Variants in KLHL8 observed in about 807,000 individuals in gnomAD.
KLHL8 encodes the protein kelch-like protein 8.
In KLHL8, 38 loss-of-function variants were observed where a neutral mutation model predicts 63.5. The observed-to-expected ratio is 0.60, with a 90% CI of 0.46 to 0.78. The LOEUF (loss-of-function observed/expected upper bound fraction) is 0.78. Ranked by LOEUF, KLHL8 falls within the 30% of genes least tolerant of loss-of-function variation. The probability of loss-of-function intolerance (pLI) is 0.00; values close to 1 mark genes in which losing one functional copy is unlikely to be tolerated. For missense variants in KLHL8, 566 were observed against 752.4 expected (o/e 0.75, Z 2.90); for synonymous variants, 224 against 254.3 (o/e 0.88, Z 1.13).
intron 4 of KLHL8, among the ~76,000 whole-genome samples, chr4:87,182,411 TTTG>T (rs753192868): frequency 1.3e-5 from 2 of 152,022 alleles, no homozygotes; most frequent in African/African-American, 2.4e-5. Flanking sequence ...GGTATTGCCT[TTTG>T]TTGTTGTTTT....
At chr4:87,197,613 G>C (rs1337709470) in intron 1 of KLHL8, among the ~76,000 whole-genome samples, 1 of 152,144 alleles carries the variant, frequency 6.6e-6, no homozygotes, top group Non-Finnish European at 1.5e-5. Context: ...GATAATAAAT[G>C]CATGTTATTT....
At chr4:87,192,036 A>G (rs908172888) in intron 2 of KLHL8, among the ~76,000 whole-genome samples, 3 of 152,140 alleles carry the variant, frequency 2.0e-5, no homozygotes, top group African/African-American at 4.8e-5. Context: ...GGCTGATTCC[A>G]TATCTTTGCT....
At chr4:87,199,426 G>C (rs1731824323) in intron 1 of KLHL8, among the ~76,000 whole-genome samples, 1 of 152,010 alleles carries the variant, frequency 6.6e-6, no homozygotes, top group Admixed American at 6.6e-5. Flanking sequence ...GTGGGGAAAA[G>C]GATTCACAAC....
At chr4:87,210,196 T>C (rs1466562020) in intron 1 of KLHL8, among the ~76,000 whole-genome samples, 2 of 148,904 alleles carry the variant, frequency 1.3e-5, no homozygotes, top group Non-Finnish European at 3.0e-5. Context: ...AAGAACTCAA[T>C]GCCAGCTGGT....
intron 6 of KLHL8, among the ~76,000 whole-genome samples, chr4:87,175,674 T>G (rs539424135): frequency 6.6e-6 from 1 of 152,102 alleles, no homozygotes; most frequent in Non-Finnish European, 1.5e-5. Context: ...CAGGTTAGAG[T>G]ACTAAGTATG....
rs768815862 is a variant in KLHL8, at chr4:87,164,036, A to G, written c.1581T>C (p.Tyr527=). The G allele has an allele frequency of 6.2e-7, 1 of 1,613,234 alleles. No homozygotes were observed. The highest frequency in any genetic ancestry group is 8.5e-7 in the Non-Finnish European group (1 of 1,179,120). Residue 527 remains tyrosine, a synonymous_variant, in exon 9 of 10, where the codon TAT becomes TAC. Transcript: ENST00000273963. ...AATCCCACTTGTTGCTTCGGGGGTCATACCGCTCAACTGAACTCAGAGGAG... is the reference window on the plus strand; with the variant it reads ...AATCCCACTTGTTGCTTCGGGGGTCGTACCGCTCAACTGAACTCAGAGGAG... ...DNSPLSSVER[Y]DPRSNKWDYV... is the part of the protein sequence containing the mutation.
chr4:87,171,385 C>T (rs2149831233), intron 6 of KLHL8, among the ~76,000 whole-genome samples: 1 of 152,186 alleles, frequency 6.6e-6, no homozygotes, highest in South Asian at 2.1e-4. Flanking sequence ...GAAGTATTAG[C>T]TTTTATTATT....
At chr4:87,210,272 G>C (rs1248919737) in intron 1 of KLHL8, among the ~76,000 whole-genome samples, 1 of 152,154 alleles carries the variant, frequency 6.6e-6, no homozygotes, top group East Asian at 1.9e-4. Flanking sequence ...ACGAGGTCAG[G>C]AGATCGAGAC....
chr4:87,185,710 T>C lies in KLHL8; in HGVS notation c.306A>G (p.Glu102=), dbSNP rs1205776541. The change falls in exon 3 of 10, where the codon GAA becomes GAG. Residue 102 remains glutamate (E), a synonymous_variant. Transcript: ENST00000273963. ...TAATCTCAATCAGCGTTTGCTTGGC[T>C]TCAGCCATTTCAGAAAGAAACATGG... ...FRAMFLSEMA[E]AKQTLIEIRD... is the part of the protein sequence containing the mutation. 6.2e-7 allele frequency: 1 copy of C among 1,613,992 alleles called. No homozygotes were observed. The highest frequency in any genetic ancestry group is 8.5e-7 in the Non-Finnish European group (1 of 1,180,002).
chr4:87,168,762 G>A (rs1560690311), intron 8 of KLHL8, among the ~76,000 whole-genome samples: 6 of 141,462 alleles, frequency 4.2e-5, no homozygotes, highest in African/African-American at 1.6e-4. Context: ...ATATGTGTGT[G>A]TATATATATG....
intron 1 of KLHL8, among the ~76,000 whole-genome samples, chr4:87,199,663 AAC>A (rs1449784339): frequency 3.1e-5 from 2 of 65,278 alleles, no homozygotes; most frequent in African/African-American, 6.1e-5. Flanking sequence ...TTAAAAAAAA[AAC>A]AAAAAAAAAA....
chr4:87,163,166 G>A lies in KLHL8; in HGVS notation c.*353C>T, dbSNP rs1217661176. The A allele has an allele frequency of 5.7e-6, 1 of 175,262 alleles. No homozygotes were observed. The highest frequency in any genetic ancestry group is 2.4e-5 in the African/African-American group (1 of 41,702). 10.9% of individuals were successfully genotyped at this position (175,262 alleles called of 1,614,324 possible). A position where few individuals can be genotyped will look rare whatever the true frequency, so the allele number is the denominator to read the frequency against. On this transcript the variant is annotated 3_prime_UTR_variant, in exon 10 of 10. Coordinates refer to ENST00000273963, the MANE Select transcript of KLHL8 (RefSeq NM_020803.5). ...CTGACGTTAACATCTTTAGGCAAAA[G>A]AAAAGGCAAAACTCAACAAATTACA...
At position 87,185,394 on chromosome 4, in the gene KLHL8, C is replaced by A. The variant is rs1326277254; in HGVS notation, c.622G>T (p.Val208Leu). The change falls in exon 3 of 10, where the codon GTA (valine) becomes TTA (leucine). Residue 208 changes from valine to leucine, a missense_variant. Transcript: ENST00000273963. Reference protein sequence around the residue: ...EVVECEDFVSVSPQHLHKLLS... With the variant: ...EVVECEDFVSLSPQHLHKLLS... ...AGCTTATGGAGGTGCTGCGGTGATACACTTACAAAGTCTTCACACTCCACT... is the reference window on the plus strand; with the variant it reads ...AGCTTATGGAGGTGCTGCGGTGATAAACTTACAAAGTCTTCACACTCCACT... The A allele has an allele frequency of 4.3e-6, 7 of 1,614,072 alleles. No individual in the cohort carries two copies. Among genetic ancestry groups the A allele is most frequent in the Non-Finnish European group, 5.9e-6 (7 of 1,180,040 alleles).
intron 4 of KLHL8, 112 bp downstream of exon 4, chr4:87,183,091 A>T (rs1442710992): frequency 4.5e-6 from 3 of 667,090 alleles, no homozygotes; most frequent in Non-Finnish European, 7.3e-6. Context: ...GCCAATTATT[A>T]CTTTAAGGCA....
chr4:87,168,159 T>C (rs1730477420), intron 8 of KLHL8, among the ~76,000 whole-genome samples: 1 of 152,222 alleles, frequency 6.6e-6, no homozygotes, highest in East Asian at 1.9e-4. Context: ...CTACAAGGTA[T>C]TTTAGGGGGT....
intron 1 of KLHL8, among the ~76,000 whole-genome samples, chr4:87,214,448 A>ATATATATATATATATG (rs1732520781): frequency 1.0e-5 from 1 of 97,358 alleles, no homozygotes; most frequent in African/African-American, 4.2e-5. Flanking sequence ...ATATATATAT[A>ATATATATATATATATG]TATATATATA....
At chr4:87,177,152 T>C (rs1730855822) in intron 5 of KLHL8, among the ~76,000 whole-genome samples, 1 of 152,102 alleles carries the variant, frequency 6.6e-6, no homozygotes, top group Non-Finnish European at 1.5e-5. Context: ...GTAGATGAAA[T>C]CACTAATCAT....
intron 6 of KLHL8, among the ~76,000 whole-genome samples, chr4:87,174,764 G>C (rs965629355): frequency 6.6e-6 from 1 of 151,634 alleles, no homozygotes. Flanking sequence ...GAACAATAAA[G>C]TTGAAAAAAA....
chr4:87,178,237 TG>T (rs968210416), intron 5 of KLHL8, among the ~76,000 whole-genome samples: 1 of 152,240 alleles, frequency 6.6e-6, no homozygotes, highest in African/African-American at 2.4e-5. Flanking sequence ...TTTAGTTTTT[TG>T]GTAACTATAA....
Sources: allele counts gnomAD v4.1 joint callset (sites outside exome capture counted in the v4.1 genomes callset), GRCh38; gene constraint gnomAD v4.1.1; transcripts MANE v1.5; gene names NCBI Gene and HGNC (gene_info 2026-07-23, HGNC 2026-07-21).